Variants in FOXP1 observed in about 807,000 individuals in gnomAD.
FOXP1 encodes forkhead box P1.
Under a neutral mutation model 98.2 loss-of-function variants are expected in FOXP1, and 15 were observed. That is an observed-to-expected ratio of 0.15 (90% confidence interval 0.10 to 0.24). The LOEUF (loss-of-function observed/expected upper bound fraction) is 0.24. FOXP1 is among the 10% of genes least tolerant of loss of function. FOXP1 has a pLI of 1.00. For missense variants in FOXP1, 633 were observed against 848.5 expected, an observed-to-expected ratio of 0.75 and a Z score of 3.15; for synonymous variants, 371 against 314.5, an observed-to-expected ratio of 1.18 and a Z score of -1.90.
At chr3:71,547,040 T>C (rs1056599082) in intron 2 of FOXP1, among the ~76,000 whole-genome samples, 2 of 152,140 alleles carry the variant, frequency 1.3e-5, no homozygotes, top group African/African-American at 4.8e-5. Context: ...AAATAAATAC[T>C]CAGGGCTGAA....
intron 14 of FOXP1, among the ~76,000 whole-genome samples, chr3:70,982,751 G>T (rs2039079281): frequency 6.7e-6 from 1 of 149,136 alleles, no homozygotes; most frequent in African/African-American, 2.5e-5. Context: ...CTCCCCTCCT[G>T]TTTAAAGATG....
chr3:71,152,457 G>T (rs752755393), intron 6 of FOXP1, among the ~76,000 whole-genome samples: 6 of 152,168 alleles, frequency 3.9e-5, no homozygotes, highest in Non-Finnish European at 7.4e-5. Context: ...CGCAGCAATG[G>T]AAAATGAATT....
rs111554489 is a variant in FOXP1, at chr3:71,272,147, G to A, written c.-12+27673C>T. Among the ~76,000 whole-genome samples the A allele has an allele frequency of 2.9e-4, 44 of 152,200 alleles. No homozygotes were observed. The East Asian group carries it at 4.4e-3, about 15-fold the overall frequency. ...GGCATACACCCAAAAAACAACCACCGAACAAGGCAGTATTATATCTGTCAA... is the reference window on the plus strand; with the variant it reads ...GGCATACACCCAAAAAACAACCACCAAACAAGGCAGTATTATATCTGTCAA... On this transcript the variant is annotated intron_variant, in intron 5 of 20. Transcript: ENST00000649528.
intron 3 of FOXP1, among the ~76,000 whole-genome samples, chr3:71,465,250 T>G (rs1457783535): frequency 6.8e-6 from 1 of 146,308 alleles, no homozygotes; most frequent in Non-Finnish European, 1.5e-5. Flanking sequence ...GAGATTGTGG[T>G]GAGCCGAGAT....
At chr3:71,296,999 C>A (rs1259096713) in intron 5 of FOXP1, among the ~76,000 whole-genome samples, 1 of 152,160 alleles carries the variant, frequency 6.6e-6, no homozygotes, top group Non-Finnish European at 1.5e-5. Context: ...GTACAGTCTG[C>A]AGAATTATGA....
chr3:70,998,022 T>A (rs2041620360), intron 13 of FOXP1, among the ~76,000 whole-genome samples: 1 of 152,186 alleles, frequency 6.6e-6, no homozygotes, highest in Admixed American at 6.5e-5. Context: ...AGACTGGTTT[T>A]ATACACCCTG....
chr3:71,070,492 T>C (rs2053085054), intron 7 of FOXP1, among the ~76,000 whole-genome samples: 1 of 152,236 alleles, frequency 6.6e-6, no homozygotes, highest in Admixed American at 6.5e-5. Flanking sequence ...AGTTTTCTTC[T>C]GGCATTCCTA....
intron 5 of FOXP1, among the ~76,000 whole-genome samples, chr3:71,234,445 A>C (rs899063809): frequency 2.0e-5 from 3 of 152,180 alleles, no homozygotes; most frequent in African/African-American, 7.2e-5. Context: ...ACTGACAATA[A>C]AATATGGGTG....
chr3:71,354,032 C>A (rs1017332211), intron 4 of FOXP1, among the ~76,000 whole-genome samples: 28 of 151,692 alleles, frequency 1.8e-4, no homozygotes, highest in African/African-American at 6.8e-4. Context: ...TTGGGCTGGG[C>A]GCGGTGGTTC....
intron 6 of FOXP1, among the ~76,000 whole-genome samples, chr3:71,158,779 C>T (rs533811905): frequency 4.1e-5 from 6 of 147,104 alleles, no homozygotes; most frequent in South Asian, 2.2e-4. Flanking sequence ...TGATATGTTA[C>T]GTTGTCAAAG....
At chr3:70,976,049 CTTTT>C (rs10610516) in intron 17 of FOXP1, among the ~76,000 whole-genome samples, 18 of 115,690 alleles carry the variant, frequency 1.6e-4, no homozygotes, top group South Asian at 2.8e-4. Context: ...GGACAATCTC[CTTTT>C]TTTTTTTTTT....
chr3:71,010,487 C>T lies in FOXP1; in HGVS notation c.974+5062G>A. On this transcript the variant is annotated intron_variant, in intron 12 of 20. Transcript: ENST00000649528. Reference sequence around the variant, plus strand: ...TATGTGAAGCATTTCGGGACTATGCCTGTTTTAAGGTTCAGTACTATTTAA... The same window carrying T: ...TATGTGAAGCATTTCGGGACTATGCTTGTTTTAAGGTTCAGTACTATTTAA... Among the ~76,000 whole-genome samples the T allele has an allele frequency of 2.6e-5, 4 of 152,206 alleles. No homozygotes were observed. In the Middle Eastern group the frequency reaches 0.014, roughly 518 times the overall value.
At chr3:71,484,007 T>C (rs2090476117) in intron 3 of FOXP1, among the ~76,000 whole-genome samples, 1 of 152,158 alleles carries the variant, frequency 6.6e-6, no homozygotes, top group Non-Finnish European at 1.5e-5. Flanking sequence ...CGAATTTTGG[T>C]TCCCCTAATT....
intron 7 of FOXP1, among the ~76,000 whole-genome samples, chr3:71,105,783 C>T (rs1318385226): frequency 2.0e-5 from 3 of 152,072 alleles, no homozygotes; most frequent in East Asian, 3.8e-4. Flanking sequence ...GACACACACG[C>T]ACAGGCACAC....
At chr3:71,090,159 A>G (rs2055638866) in intron 7 of FOXP1, among the ~76,000 whole-genome samples, 1 of 152,220 alleles carries the variant, frequency 6.6e-6, no homozygotes, top group Non-Finnish European at 1.5e-5. Context: ...CTAATGGGGA[A>G]TCAATTCCTT....
chr3:71,267,815 C>T (rs1364865170), intron 5 of FOXP1, among the ~76,000 whole-genome samples: 1 of 151,906 alleles, frequency 6.6e-6, no homozygotes, highest in African/African-American at 2.4e-5. Flanking sequence ...GTCAGGAGTT[C>T]GAGGCCAGCC....
intron 3 of FOXP1, among the ~76,000 whole-genome samples, chr3:71,485,225 T>C (rs552641638): frequency 1.4e-4 from 22 of 152,288 alleles, no homozygotes; most frequent in Admixed American, 1.3e-4. Context: ...GATTAGACAG[T>C]GAGCTAGATA....
At chr3:71,261,911 A>G (rs1006622440) in intron 5 of FOXP1, among the ~76,000 whole-genome samples, 1 of 152,212 alleles carries the variant, frequency 6.6e-6, no homozygotes, top group African/African-American at 2.4e-5. Flanking sequence ...TGTCCTCCAT[A>G]CAAGTCCTGA....
At chr3:71,061,164 T>C (rs925399980) in intron 7 of FOXP1, among the ~76,000 whole-genome samples, 7 of 152,140 alleles carry the variant, frequency 4.6e-5, no homozygotes, top group African/African-American at 1.7e-4. Flanking sequence ...AGGGAAGTAT[T>C]GCACGCTCTG....
Sources: gnomAD v4.1 joint callset for allele counts (sites outside exome capture counted in the v4.1 genomes callset) on GRCh38, gnomAD v4.1.1 for gene constraint, MANE v1.5 for transcripts, NCBI Gene and HGNC (gene_info 2026-07-23, HGNC 2026-07-21) for gene names.